CDKN2B-AS1: variants seen among roughly 807,000 people sequenced by gnomAD.
CDKN2B-AS1 encodes CDKN2B and CDKN2A antisense cis and trans regulatory RNA 1.
intron 4 of CDKN2B-AS1, among the ~76,000 whole-genome samples, chr9:22,127,082 C>T (rs1013663984): frequency 6.6e-6 from 1 of 151,874 alleles, no homozygotes; most frequent in Non-Finnish European, 1.5e-5. Flanking sequence ...TTTCTTTTTT[C>T]TTTTTCTTTT....
chr9:22,052,169 A>G (rs1481885856), intron 3 of CDKN2B-AS1, among the ~76,000 whole-genome samples: 1 of 152,134 alleles, frequency 6.6e-6, no homozygotes, highest in East Asian at 1.9e-4. Flanking sequence ...AGTTTCCCCC[A>G]ATGAAATTAC....
intron 1 of CDKN2B-AS1, among the ~76,000 whole-genome samples, chr9:21,998,732 G>T (rs1820794561): frequency 6.6e-6 from 1 of 151,998 alleles, no homozygotes; most frequent in African/African-American, 2.4e-5. Context: ...CCCTTGTCTT[G>T]TTCTCCTCCT....
chr9:22,010,399 C>A, intron 1 of CDKN2B-AS1, among the ~76,000 whole-genome samples: 1 of 152,158 alleles, frequency 6.6e-6, no homozygotes, highest in East Asian at 1.9e-4. Flanking sequence ...GTGGACCTCT[C>A]CTAAAAGTGA....
At chr9:22,069,887 C>A (rs751248909) in intron 4 of CDKN2B-AS1, among the ~76,000 whole-genome samples, 17 of 151,952 alleles carry the variant, frequency 1.1e-4, no homozygotes, top group Non-Finnish European at 2.1e-4. Context: ...TTTCTTTTTG[C>A]AGAGTTCGCT....
At chr9:22,009,412 G>C (rs998590580) in intron 1 of CDKN2B-AS1, 1 of 302,392 alleles carries the variant, frequency 3.3e-6, no homozygotes, top group African/African-American at 2.2e-5. Flanking sequence ...CGGGAGGCCA[G>C]GCCCGGGCCG....
chr9:22,075,879 A>G (rs775899638), intron 4 of CDKN2B-AS1, among the ~76,000 whole-genome samples: 2 of 152,092 alleles, frequency 1.3e-5, no homozygotes, highest in African/African-American at 2.4e-5. Flanking sequence ...GGGAAACTAT[A>G]TATTTCTAAG....
At chr9:22,123,590 C>A (rs1340885718) in intron 4 of CDKN2B-AS1, among the ~76,000 whole-genome samples, 1 of 151,864 alleles carries the variant, frequency 6.6e-6, no homozygotes, top group African/African-American at 2.4e-5. Flanking sequence ...GCAGGTGCTG[C>A]TATTAGGATG....
intron 4 of CDKN2B-AS1, among the ~76,000 whole-genome samples, chr9:22,067,776 A>G (rs1413422161): frequency 1.3e-5 from 2 of 152,198 alleles, no homozygotes; most frequent in African/African-American, 4.8e-5. Context: ...ATAAATCTTA[A>G]GTGGTAGCTT....
chr9:22,084,055 T>G lies in CDKN2B-AS1; in HGVS notation n.438+27668T>G, dbSNP rs1484144405. ...TACCTTTCTTAACAGTTCCTTAAGATTCATGCATTGTTGTAAGTAGTTACT... is the reference window on the plus strand; with the variant it reads ...TACCTTTCTTAACAGTTCCTTAAGAGTCATGCATTGTTGTAAGTAGTTACT... On this transcript the variant is annotated intron_variant and non_coding_transcript_variant, in intron 4 of 4. Coordinates refer to ENST00000650946, the Ensembl canonical transcript of CDKN2B-AS1. Among the ~76,000 whole-genome samples, 5 of 152,354 alleles carry G rather than the reference T, an allele frequency of 3.3e-5. No individual in the cohort carries two copies. In the East Asian group the frequency reaches 9.6e-4, roughly 29 times the overall value.
At chr9:22,120,959 A>G (rs1826087743) in intron 4 of CDKN2B-AS1, 1 of 152,184 alleles carries the variant, frequency 6.6e-6, no homozygotes, top group Non-Finnish European at 1.5e-5. Context: ...ATATGAAGAG[A>G]CAGAAGCATA....
intron 4 of CDKN2B-AS1, among the ~76,000 whole-genome samples, chr9:22,106,074 A>T (rs1825649586): frequency 6.6e-6 from 1 of 151,142 alleles, no homozygotes; most frequent in Non-Finnish European, 1.5e-5. Context: ...CCACATCTGG[A>T]TAATTTTTGT....
chr9:22,028,777 C>A (rs1179217861), intron 1 of CDKN2B-AS1, among the ~76,000 whole-genome samples: 1 of 152,102 alleles, frequency 6.6e-6, no homozygotes, highest in Non-Finnish European at 1.5e-5. Flanking sequence ...AACATTTATG[C>A]AGTGTCACTT....
At chr9:22,100,560 A>G (rs986920190) in intron 4 of CDKN2B-AS1, among the ~76,000 whole-genome samples, 1 of 152,090 alleles carries the variant, frequency 6.6e-6, no homozygotes, top group Non-Finnish European at 1.5e-5. Context: ...TTTTCTGTTC[A>G]TCAGTTGAAG....
chr9:22,076,978 C>G (rs1824519511), intron 4 of CDKN2B-AS1, among the ~76,000 whole-genome samples: 1 of 152,184 alleles, frequency 6.6e-6, no homozygotes, highest in Non-Finnish European at 1.5e-5. Context: ...AGCCATCATG[C>G]CTGGCCTACA....
Position 22,003,392 on chromosome 9 carries a change from A to G in CDKN2B-AS1, n.29+8231A>G, listed in dbSNP as rs1308791982. Reference sequence around the variant, plus strand: ...AGGTTGTCATTAGGAAAGATTCCACAAGTTATTTAAACCAGAAATGAAGTA... The same window carrying G: ...AGGTTGTCATTAGGAAAGATTCCACGAGTTATTTAAACCAGAAATGAAGTA... On this transcript the variant is annotated intron_variant and non_coding_transcript_variant, in intron 1 of 4. Transcript: ENST00000650946. 56 of 225,282 alleles carry G rather than the reference A, an allele frequency of 2.5e-4. No homozygotes were observed. The East Asian group carries it at 3.6e-3, about 15-fold the overall frequency. 14.0% of individuals were successfully genotyped at this position (225,282 alleles called of 1,614,324 possible).
rs192834267 is a variant in CDKN2B-AS1 at position 22,107,411 on chromosome 9, C to G, written n.439-19692C>G. Among the ~76,000 whole-genome samples the G allele has an allele frequency of 8.5e-5, 13 of 152,280 alleles. 1 individual carries two copies. The highest frequency in any genetic ancestry group is 2.9e-4 in the African/African-American group (12 of 41,542). Reference sequence around the variant, plus strand: ...AGCATATTTCCTAAGCCTTTGCACTCTCAGTCTAGACTAAAAACAAACAAA... The same window carrying G: ...AGCATATTTCCTAAGCCTTTGCACTGTCAGTCTAGACTAAAAACAAACAAA... On this transcript the variant is annotated intron_variant and non_coding_transcript_variant, in intron 4 of 4. Coordinates refer to ENST00000650946, the Ensembl canonical transcript of CDKN2B-AS1.
At position 22,006,804 on chromosome 9, in the gene CDKN2B-AS1, C is replaced by G. The variant is rs1184760084; in HGVS notation, n.29+11643C>G. Among the ~76,000 whole-genome samples the G allele has an allele frequency of 1.3e-5, 2 of 151,364 alleles. No homozygotes were observed. Among genetic ancestry groups the G allele is most frequent in the East Asian group, 1.9e-4 (1 of 5,150 alleles). On this transcript the variant is annotated intron_variant and non_coding_transcript_variant, in intron 1 of 4. Transcript: ENST00000650946. This position sits in a 1 kb window ranked among gnomAD's most constrained non-coding sequence, Gnocchi z 6.4. ...CTCATAGCAAATCCCGTGCGGAAGG[C>G]TTTTGTTTGTCATGTGTCTGAGCTC...
At chr9:22,071,542 A>G (rs1383150314) in intron 4 of CDKN2B-AS1, among the ~76,000 whole-genome samples, 2 of 152,082 alleles carry the variant, frequency 1.3e-5, no homozygotes, top group African/African-American at 4.8e-5. Flanking sequence ...AGAATCTGGC[A>G]TTCTGTGTTC....
At chr9:22,123,971 T>C (rs994152153) in intron 4 of CDKN2B-AS1, among the ~76,000 whole-genome samples, 9 of 152,124 alleles carry the variant, frequency 5.9e-5, no homozygotes, top group African/African-American at 2.2e-4. Context: ...ACAAAGCAAA[T>C]TGCAGGCAAT....
Sources: allele counts gnomAD v4.1 joint callset (sites outside exome capture counted in the v4.1 genomes callset), GRCh38; gene constraint gnomAD v4.1.1; non-coding constraint Gnocchi (gnomAD v3.1); transcripts MANE v1.5; gene names NCBI Gene and HGNC (gene_info 2026-07-23, HGNC 2026-07-21).